Variants in RINT1 observed in about 807,000 individuals in gnomAD.
RINT1 encodes RAD50 interactor 1, also known as RAD50-interacting protein 1.
Under a neutral mutation model 97.7 loss-of-function variants are expected in RINT1, and 75 were observed. The observed-to-expected ratio is 0.77, with a 90% CI of 0.64 to 0.93. RINT1 has a LOEUF of 0.93. RINT1 is among the 40% of genes least tolerant of loss of function. RINT1 has a pLI of 0.00. For missense variants in RINT1, 892 were observed against 925.2 expected (o/e 0.96, Z 0.47); for synonymous variants, 303 against 326.3 (o/e 0.93, Z 0.77).
At chr7:105,553,976 G>A (rs1249900941) in intron 10 of RINT1, among the ~76,000 whole-genome samples, 9 of 128,860 alleles carry the variant, frequency 7.0e-5, no homozygotes, top group East Asian at 2.5e-4. Context: ...TCAGCTCACC[G>A]CAAGCTCTGC....
At chr7:105,532,755 G>A in intron 1 of RINT1, 69 bp from the exon 2 acceptor site, 1 of 1,538,770 alleles carries the variant, frequency 6.5e-7, no homozygotes, top group Non-Finnish European at 9.0e-7. Context: ...GGTGCCCTTT[G>A]GGAGCCCCGT....
In RINT1 at chr7:105,548,541, T is replaced by C. The variant is rs1790780068; in HGVS notation, c.840-13T>C. 3 of 1,613,768 alleles carry C rather than the reference T, an allele frequency of 1.9e-6. No individual in the cohort carries two copies. The highest frequency in any genetic ancestry group is 2.2e-5 in the South Asian group (2 of 91,084). On this transcript the variant is annotated splice_polypyrimidine_tract_variant and intron_variant, in intron 6 of 14. Transcript: ENST00000257700. ...ATGCTTTTGATTCTTTTTCCTTGAC[T>C]TGATTATGTCAGAGATGAATTACTT...
intron 12 of RINT1, among the ~76,000 whole-genome samples, chr7:105,564,367 G>A (rs1791591132): frequency 6.6e-6 from 1 of 152,144 alleles, no homozygotes; most frequent in African/African-American, 2.4e-5. Context: ...GATTACAGGT[G>A]TGAGCCACCA....
intron 6 of RINT1, among the ~76,000 whole-genome samples, chr7:105,547,993 C>T (rs900804728): frequency 2.0e-5 from 3 of 151,950 alleles, no homozygotes; most frequent in Non-Finnish European, 1.5e-5. Flanking sequence ...TCCCAAAGTG[C>T]TGGGATTACA....
intron 10 of RINT1, among the ~76,000 whole-genome samples, chr7:105,553,214 C>T (rs1353766584): frequency 6.6e-6 from 1 of 151,566 alleles, no homozygotes; most frequent in Non-Finnish European, 1.5e-5. Context: ...TCAGACATCT[C>T]ATCATGTCAA....
chr7:105,546,137 T>C (rs1562846456), intron 4 of RINT1, among the ~76,000 whole-genome samples: 1 of 152,298 alleles, frequency 6.6e-6, no homozygotes, highest in South Asian at 2.1e-4. Flanking sequence ...CCTGGAATTA[T>C]ATTTCTTTGA....
At chr7:105,554,842 T>C (rs1230835118) in intron 10 of RINT1, among the ~76,000 whole-genome samples, 186 bp from the exon 11 acceptor site, 1 of 152,202 alleles carries the variant, frequency 6.6e-6, no homozygotes, top group African/African-American at 2.4e-5. Context: ...TATTGTTCAA[T>C]GAGTTTTGGC....
Position 105,548,071 on chromosome 7 carries a change from A to G in RINT1, c.840-483A>G, listed in dbSNP as rs968945651. Among the ~76,000 whole-genome samples the G allele has an allele frequency of 4.6e-5, 7 of 152,098 alleles. No homozygotes were observed. In the Middle Eastern group the frequency reaches 0.017, roughly 370 times the overall value. ...AAGACATGGTCTCACTTTGTCACCC[A>G]GGCTGAAGTGCAGTGGTGCAGTCAT... On this transcript the variant is annotated intron_variant, in intron 6 of 14. Transcript: ENST00000257700.
In RINT1 at chr7:105,547,341, T is replaced by C. The variant is rs1317365432; in HGVS notation, c.839+8T>C. ...TTTGAAACTACAAACCTCGTATCTT[T>C]GTTGCAGCTGAAAACTTACTAAAAT... On this transcript the variant is annotated splice_region_variant and intron_variant, in intron 6 of 14. Transcript: ENST00000257700. 1 of 1,612,702 alleles carries C rather than the reference T, an allele frequency of 6.2e-7. No individual in the cohort carries two copies. Among genetic ancestry groups the C allele is most frequent in the South Asian group, 1.1e-5 (1 of 90,674 alleles).
intron 2 of RINT1, among the ~76,000 whole-genome samples, chr7:105,533,900 A>T (rs1790125777): frequency 6.6e-6 from 1 of 152,170 alleles, no homozygotes; most frequent in Non-Finnish European, 1.5e-5. Flanking sequence ...AAGGACTTTG[A>T]CCTTGTTCCT....
rs752022019 is a variant in RINT1 at position 105,546,983 on chromosome 7, C to G, written c.589C>G (p.Leu197Val). ...CTCCACTCTAGTGTCTATGGCAGAACTTGACATTAAACTTCAGGAATCATC... is the reference window on the plus strand; with the variant it reads ...CTCCACTCTAGTGTCTATGGCAGAAGTTGACATTAAACTTCAGGAATCATC... ...AASTLVSMAE[L>V]DIKLQESSCT... The change falls in exon 5 of 15, where the codon CTT becomes GTT. Residue 197 changes from leucine to valine, a missense_variant. Transcript: ENST00000257700. 25 of 1,613,694 alleles carry G rather than the reference C, an allele frequency of 1.5e-5. No individual in the cohort carries two copies. Among genetic ancestry groups the G allele is most frequent in the Admixed American group, 8.3e-5 (5 of 59,994 alleles).
chr7:105,562,662 G>T (rs1229076639), intron 11 of RINT1, among the ~76,000 whole-genome samples: 1 of 152,122 alleles, frequency 6.6e-6, no homozygotes, highest in East Asian at 1.9e-4. Context: ...ACTTTGGGAG[G>T]CTGAGGTGGG....
Position 105,563,898 on chromosome 7 carries a change from CA to C in RINT1, c.1838del (p.His613ProfsTer29). The C allele has an allele frequency of 6.2e-7, 1 of 1,613,942 alleles. No homozygotes were observed. Among genetic ancestry groups the C allele is most frequent in the Non-Finnish European group, 8.5e-7 (1 of 1,179,986 alleles). On this transcript the variant is annotated frameshift_variant, in exon 12 of 15. Transcript: ENST00000257700. LOFTEE classifies it high-confidence loss of function. ...TGATATGTTGACCCGTCAAGTAGAC[CA>C]CGTTTTTAGAGAAGTTAAAGATGCT... Reference protein sequence around the residue: ...KHDMLTRQVDHVFREVKDAAK... With the variant: ...KHDMLTRQVDXVFREVKDAAK...
At chr7:105,541,312 T>G (rs1269603109) in intron 3 of RINT1, among the ~76,000 whole-genome samples, 1 of 151,038 alleles carries the variant, frequency 6.6e-6, no homozygotes, top group Non-Finnish European at 1.5e-5. Context: ...AGTTTTTGTA[T>G]TTTTAGTAGA....
In RINT1 at chr7:105,532,265, C is replaced by T. The variant is rs776381316; in HGVS notation, c.-51C>T. ...GTGTGTCGCTGGCCTTAGCCAGACT[C>T]CACAGGCCACGCTGGCTGCGAATGG... On this transcript the variant is annotated 5_prime_UTR_variant, in exon 1 of 15. Transcript: ENST00000257700. 41 of 1,546,218 alleles carry T rather than the reference C, an allele frequency of 2.7e-5. No homozygotes were observed. The South Asian group carries it at 4.3e-4, about 16-fold the overall frequency.
At chr7:105,550,022 T>G (rs770924361) in intron 7 of RINT1, 33 bp from the exon 8 acceptor site, 1 of 1,345,570 alleles carries the variant, frequency 7.4e-7, no homozygotes. Context: ...TTGGAATGAC[T>G]TAAGAATTCA....
chr7:105,562,761 G>A (rs1385180680), intron 11 of RINT1, among the ~76,000 whole-genome samples: 2 of 151,992 alleles, frequency 1.3e-5, no homozygotes, highest in Non-Finnish European at 2.9e-5. Flanking sequence ...AAATTAGCCA[G>A]GTGTGCTGGC....
At position 105,547,301 on chromosome 7, in the gene RINT1, A is replaced by G. The variant is rs775794104; in HGVS notation, c.807A>G (p.Thr269=). ...SAPEIYSYLE[T]LFCQLLKLQT... ...CGGAGATATACAGTTACCTGGAGAC[A>G]CTGTTTTGTCAGCTTTTGAAACTAC... is the stretch of plus-strand genomic sequence containing the variant. Residue 269 remains threonine, a synonymous_variant, in exon 6 of 15, where the codon ACA becomes ACG. Coordinates refer to ENST00000257700, the MANE Select transcript of RINT1 (RefSeq NM_021930.6). The G allele has an allele frequency of 2.7e-5, 44 of 1,614,102 alleles. No individual in the cohort carries two copies. The highest frequency in any genetic ancestry group is 3.5e-5 in the Non-Finnish European group (41 of 1,180,048).
At chr7:105,549,018 C>T (rs1485807650) in intron 7 of RINT1, among the ~76,000 whole-genome samples, 10 of 150,744 alleles carry the variant, frequency 6.6e-5, no homozygotes, top group African/African-American at 2.0e-4. Flanking sequence ...GTTGGAGTCT[C>T]GCTCTGTCAC....
Sources: gnomAD v4.1 joint callset for allele counts (sites outside exome capture counted in the v4.1 genomes callset) on GRCh38, gnomAD v4.1.1 for gene constraint, MANE v1.5 for transcripts, NCBI Gene and HGNC (gene_info 2026-07-23, HGNC 2026-07-21) for gene names.